Variants in PCCA observed in about 807,000 individuals in gnomAD.
The protein encoded by PCCA is propionyl-CoA carboxylase subunit alpha.
PCCA carries 74 observed loss-of-function variants against 101.3 expected under a neutral mutation model. The ratio of observed to expected loss-of-function variants is 0.73; its 90% confidence interval spans 0.61 to 0.89. The LOEUF is 0.89. Among genes scored for constraint, PCCA ranks in the 40% least tolerant of loss-of-function variants. The pLI is 0.00. For missense variants in PCCA, 891 were observed against 907.0 expected (o/e 0.98, Z 0.23); for synonymous variants, 294 against 313.6 (o/e 0.94, Z 0.66).
chr13:100,524,602 T>G (rs1407590884), intron 22 of PCCA, among the ~76,000 whole-genome samples: 2 of 152,178 alleles, frequency 1.3e-5, no homozygotes, highest in Non-Finnish European at 2.9e-5. Context: ...CTGGGCACAG[T>G]GGCACACATC....
At chr13:100,509,938 G>T (rs770726403) in intron 21 of PCCA, among the ~76,000 whole-genome samples, 8 of 152,062 alleles carry the variant, frequency 5.3e-5, no homozygotes, top group Non-Finnish European at 1.2e-4. Flanking sequence ...TCTGCTTCAG[G>T]TATAGTTTAC....
At chr13:100,105,902 G>A (rs959841059) in intron 2 of PCCA, among the ~76,000 whole-genome samples, 3 of 149,430 alleles carry the variant, frequency 2.0e-5, no homozygotes, top group South Asian at 4.2e-4. Context: ...AAAAAGAAAC[G>A]GGCTGTCATT....
chr13:100,301,973 A>T (rs112723591), intron 13 of PCCA, among the ~76,000 whole-genome samples: 20 of 152,208 alleles, frequency 1.3e-4, no homozygotes, highest in Non-Finnish European at 2.2e-4. Context: ...TGGGTTTTTT[A>T]AAAAAATGCC....
intron 6 of PCCA, among the ~76,000 whole-genome samples, chr13:100,202,679 TATTC>T (rs925813107): frequency 1.3e-4 from 20 of 151,508 alleles, no homozygotes; most frequent in African/African-American, 4.8e-4. Flanking sequence ...GGATTCCTAT[TATTC>T]ATATGTTGGA....
intron 15 of PCCA, among the ~76,000 whole-genome samples, chr13:100,308,086 C>G (rs2066606992): frequency 6.6e-6 from 1 of 152,156 alleles, no homozygotes; most frequent in Admixed American, 6.5e-5. Context: ...ATCTCCTGAC[C>G]TCGTGATCCG....
At chr13:100,371,790 T>G (rs1405434774) in intron 19 of PCCA, among the ~76,000 whole-genome samples, 2 of 152,142 alleles carry the variant, frequency 1.3e-5, no homozygotes, top group Non-Finnish European at 2.9e-5. Flanking sequence ...ATCTCAAAAC[T>G]TATTACAAAA....
At chr13:100,108,778 A>G (rs1388683939) in intron 2 of PCCA, among the ~76,000 whole-genome samples, 1 of 152,208 alleles carries the variant, frequency 6.6e-6, no homozygotes, top group African/African-American at 2.4e-5. Flanking sequence ...ATATTCTTTT[A>G]TAGGCATAGC....
chr13:100,159,886 G>C (rs2054276230), intron 6 of PCCA, among the ~76,000 whole-genome samples: 1 of 152,180 alleles, frequency 6.6e-6, no homozygotes, highest in South Asian at 2.1e-4. Flanking sequence ...TGCAGCCTCT[G>C]CGGGGAAAGG....
intron 21 of PCCA, among the ~76,000 whole-genome samples, chr13:100,484,256 G>GAA (rs2084185516): frequency 6.6e-6 from 1 of 152,032 alleles, no homozygotes; most frequent in South Asian, 2.1e-4. Flanking sequence ...AAACTGTAAG[G>GAA]ACTGTGTCCC....
chr13:100,177,055 G>A (rs1485022612), intron 6 of PCCA, among the ~76,000 whole-genome samples: 4 of 152,150 alleles, frequency 2.6e-5, no homozygotes, highest in Non-Finnish European at 4.4e-5. Context: ...ATCTACATGC[G>A]TCCTATCACT....
chr13:100,125,402 AC>A (rs1201897242), intron 4 of PCCA, among the ~76,000 whole-genome samples: 1 of 152,216 alleles, frequency 6.6e-6, no homozygotes, highest in Non-Finnish European at 1.5e-5. Context: ...AAAAAGTCTT[AC>A]GGCAAAGCCT....
intron 2 of PCCA, among the ~76,000 whole-genome samples, chr13:100,105,868 AAAAAAAAAAGAAAAG>A (rs2047735031): frequency 6.8e-6 from 1 of 146,042 alleles, no homozygotes; most frequent in Non-Finnish European, 1.5e-5. Flanking sequence ...AAAAAAAAAA[AAAAAAAAAAGAAAAG>A]AAAAGGAAAA....
At position 100,429,709 on chromosome 13, in the gene PCCA, C is replaced by T. The variant is rs559501723; in HGVS notation, c.1845+3978C>T. 3.0e-4 allele frequency among the ~76,000 whole-genome samples: 45 copies of T among 152,020 alleles called. No individual in the cohort carries two copies. In the East Asian group the frequency reaches 8.0e-3, roughly 27 times the overall value. ...GCAACCTCTGTCTTTCGGGTTCAAGCGATTCTCTTGCCTCAGCCTCTGGAG... is the reference window on the plus strand; with the variant it reads ...GCAACCTCTGTCTTTCGGGTTCAAGTGATTCTCTTGCCTCAGCCTCTGGAG... On this transcript the variant is annotated intron_variant, in intron 20 of 23. Coordinates refer to ENST00000376285, the MANE Select transcript of PCCA (RefSeq NM_000282.4).
intron 19 of PCCA, among the ~76,000 whole-genome samples, chr13:100,418,742 G>A (rs1427284776): frequency 6.6e-6 from 1 of 151,820 alleles, no homozygotes; most frequent in Non-Finnish European, 1.5e-5. Flanking sequence ...GCTGAGGTGG[G>A]AGAATCATTG....
chr13:100,155,978 A>AAAGGGG (rs1445979602), intron 5 of PCCA, among the ~76,000 whole-genome samples: 17 of 152,260 alleles, frequency 1.1e-4, no homozygotes, highest in African/African-American at 4.1e-4. Flanking sequence ...AGTGTTGATA[A>AAAGGGG]AATGAAGTTG....
At chr13:100,112,180 T>G (rs1470578235) in intron 4 of PCCA, 119 bp downstream of exon 4, 4 of 731,116 alleles carry the variant, frequency 5.5e-6, no homozygotes, top group Non-Finnish European at 9.6e-6. Flanking sequence ...AAAAACTGTT[T>G]ACTTGTTCAC....
At chr13:100,380,680 A>T (rs2076174833) in intron 19 of PCCA, among the ~76,000 whole-genome samples, 1 of 152,242 alleles carries the variant, frequency 6.6e-6, no homozygotes, top group African/African-American at 2.4e-5. Flanking sequence ...AGTATACAAA[A>T]ATTAATCCAA....
intron 19 of PCCA, among the ~76,000 whole-genome samples, chr13:100,386,934 A>T (rs112393590): frequency 3.3e-5 from 5 of 152,130 alleles, no homozygotes; most frequent in Middle Eastern, 3.4e-3. Context: ...TATTTTTTTT[A>T]AAAAACATTT....
intron 20 of PCCA, among the ~76,000 whole-genome samples, chr13:100,442,386 T>C (rs1001918182): frequency 6.6e-6 from 1 of 152,236 alleles, no homozygotes; most frequent in Non-Finnish European, 1.5e-5. Flanking sequence ...CTGCTTTAAA[T>C]TGAATGCAAT....
Sources: gnomAD v4.1 joint callset for allele counts (sites outside exome capture counted in the v4.1 genomes callset) on GRCh38, gnomAD v4.1.1 for gene constraint, MANE v1.5 for transcripts, NCBI Gene and HGNC (gene_info 2026-07-23, HGNC 2026-07-21) for gene names.